NCOR2: variants seen among roughly 807,000 people sequenced by gnomAD.
NCOR2 encodes the protein nuclear receptor corepressor 2, also known as CTG repeat protein 26.
A neutral mutation model predicts 262.9 loss-of-function variants in NCOR2; 81 were observed. The observed-to-expected ratio is 0.31, with a 90% confidence interval of 0.26 to 0.37. NCOR2 has a LOEUF of 0.37. Ranked by LOEUF, NCOR2 falls within the 10% of genes least tolerant of loss-of-function variation. NCOR2 has a pLI of 1.00. For missense variants in NCOR2, 3,385 were observed against 3,621.4 expected, an observed-to-expected ratio of 0.93 and a Z score of 1.68; for synonymous variants, 1,659 against 1,559.3, an observed-to-expected ratio of 1.06 and a Z score of -1.51.
intron 3 of NCOR2, among the ~76,000 whole-genome samples, chr12:124,479,255 C>T (rs532460630): frequency 1.3e-5 from 2 of 152,184 alleles, no homozygotes; most frequent in African/African-American, 4.8e-5. Context: ...CACACACGCA[C>T]ACACAAACAC....
intron 7 of NCOR2, among the ~76,000 whole-genome samples, chr12:124,442,526 C>T (rs1343193535): frequency 6.6e-6 from 1 of 152,164 alleles, no homozygotes; most frequent in Non-Finnish European, 1.5e-5. Flanking sequence ...CTCTGTGGAG[C>T]GTATTTGCAA....
At chr12:124,360,244 C>T (rs1413943623) in intron 22 of NCOR2, among the ~76,000 whole-genome samples, 1 of 152,250 alleles carries the variant, frequency 6.6e-6, no homozygotes, top group Non-Finnish European at 1.5e-5. Context: ...CTGGGCCGCA[C>T]ACTGTACCCT....
chr12:124,513,931 G>A (rs548898235), intron 1 of NCOR2: 69 of 152,352 alleles, frequency 4.5e-4, no homozygotes, highest in Middle Eastern at 3.4e-3. Flanking sequence ...TCCTTCACCA[G>A]AGAGGCCCCA....
exon 41 of NCOR2, chr12:124,334,426 C>T: frequency 6.6e-7 from 1 of 1,511,296 alleles, no homozygotes; most frequent in Admixed American, 2.2e-5. Context: ...TCGCTCACCT[C>T]TTGCCCCCTT....
At chr12:124,567,496 TCGCGGAG>T, upstream of NCOR2, 1 of 147,186 alleles carries the variant, frequency 6.8e-6, no homozygotes, top group East Asian at 2.0e-4. Flanking sequence ...TTGGCGCGCA[TCGCGGAG>T]CGCAGGGCGC....
Position 124,545,658 on chromosome 12 carries a change from G to T in NCOR2, c.-164-10047C>A, listed in dbSNP as rs1312912109. Among the ~76,000 whole-genome samples, 6 of 152,344 alleles carry T rather than the reference G, an allele frequency of 3.9e-5. No individual in the cohort carries two copies. In the South Asian group the frequency reaches 8.3e-4, roughly 21 times the overall value. ...TCAGAAGCCCAAGTGGCCCGGCTGG[G>T]GTCAGGGCCCTGAGTCAGAGCAAGA... is the stretch of plus-strand genomic sequence containing the variant. On this transcript the variant is annotated intron_variant, in intron 1 of 32. Transcript: ENST00000458234.
chr12:124,481,135 TGGGTGGAAAGA>T lies in NCOR2; in HGVS notation c.411+2450_411+2460del, dbSNP rs1448991480. ...GAGTGAGCAGGACAGGGGGGCTGTTTGGGTGGAAAGAAAGAGAGGGAGGAAGAAGGAGGGAG... is the reference window on the plus strand; with the variant it reads ...GAGTGAGCAGGACAGGGGGGCTGTTTAAGAGAGGGAGGAAGAAGGAGGGAG... On this transcript the variant is annotated intron_variant, in intron 3 of 46. Transcript: ENST00000405201. This position sits in a 1 kb window ranked among gnomAD's most constrained non-coding sequence, Gnocchi z 4.6. Among the ~76,000 whole-genome samples the T allele has an allele frequency of 1.3e-5, 2 of 148,306 alleles. No homozygotes were observed. The highest frequency in any genetic ancestry group is 4.0e-4 in the East Asian group (2 of 5,024).
At chr12:124,390,553 C>A (rs531077704) in intron 16 of NCOR2, among the ~76,000 whole-genome samples, 1 of 152,004 alleles carries the variant, frequency 6.6e-6, no homozygotes, top group Admixed American at 6.6e-5. Flanking sequence ...TTAGCTCCCT[C>A]GTCCCACTGC....
chr12:124,511,835 G>A (rs1486121228), intron 1 of NCOR2, among the ~76,000 whole-genome samples: 1 of 152,232 alleles, frequency 6.6e-6, no homozygotes, highest in African/African-American at 2.4e-5. Context: ...CACCTCCAGA[G>A]ACTGGCGTCG....
chr12:124,553,347 A>G (rs980358567), intron 1 of NCOR2, among the ~76,000 whole-genome samples: 21 of 152,232 alleles, frequency 1.4e-4, no homozygotes, highest in African/African-American at 4.6e-4. Flanking sequence ...GCATAAAATA[A>G]TATATTCACA....
intron 24 of NCOR2, 83 bp downstream of exon 26, chr12:124,355,349 C>A: frequency 6.6e-7 from 1 of 1,517,340 alleles, no homozygotes; most frequent in Non-Finnish European, 8.9e-7. Context: ...AGCCTGGCCC[C>A]CACTCAGACT....
intron 41 of NCOR2, among the ~76,000 whole-genome samples, chr12:124,333,897 C>CGCACATGTGTGTGT (rs1593091151): frequency 8.1e-5 from 10 of 123,696 alleles, no homozygotes; most frequent in African/African-American, 2.4e-4. Flanking sequence ...TGTGTGTGTG[C>CGCACATGTGTGTGT]GCGCGCATGT....
intron 6 of NCOR2, among the ~76,000 whole-genome samples, chr12:124,452,770 A>G (rs114286918): frequency 0.054 from 8,230 of 152,210 alleles, 485 homozygotes; most frequent in African/African-American, 0.15. Context: ...ACAGGGGAGG[A>G]AGGCCACTTC....
chr12:124,385,221 C>T (rs368964716), intron 17 of NCOR2, among the ~76,000 whole-genome samples: 13 of 152,308 alleles, frequency 8.5e-5, no homozygotes, highest in South Asian at 2.1e-4. Flanking sequence ...CTCAGCCTCC[C>T]GTGGCCTGCC....
At chr12:124,356,905 T>A (rs2037994505) in intron 22 of NCOR2, 123 bp from the exon 25 acceptor site, 2 of 1,261,700 alleles carry the variant, frequency 1.6e-6, no homozygotes, top group Admixed American at 8.3e-5. Flanking sequence ...TGTGACGGCC[T>A]GGGCTCCTCC....
chr12:124,392,552 A>G (rs1329497018), intron 16 of NCOR2, among the ~76,000 whole-genome samples: 3 of 152,166 alleles, frequency 2.0e-5, no homozygotes, highest in African/African-American at 7.2e-5. Context: ...TGCACCAGGA[A>G]GTAGCCGGGC....
chr12:124,553,416 A>G (rs1303482053), intron 1 of NCOR2, among the ~76,000 whole-genome samples: 1 of 152,218 alleles, frequency 6.6e-6, no homozygotes, highest in Non-Finnish European at 1.5e-5. Context: ...ACAGGCTTCA[A>G]AAACAAAAAT....
upstream of NCOR2, among the ~76,000 whole-genome samples, chr12:124,495,859 A>G (rs1254337277): frequency 6.6e-6 from 1 of 152,182 alleles, no homozygotes; most frequent in African/African-American, 2.4e-5. The surrounding 1 kb of genome is among the most constrained non-coding windows in gnomAD (Gnocchi z 4.4). Flanking sequence ...CCACAGCATG[A>G]CCTGGGCAAG....
At chr12:124,377,665 C>A (rs1396622220) in intron 18 of NCOR2, among the ~76,000 whole-genome samples, 1 of 151,830 alleles carries the variant, frequency 6.6e-6, no homozygotes, top group African/African-American at 2.4e-5. Context: ...ATGGCGAAAC[C>A]CCATCTCTGC....
Sources: gnomAD v4.1 joint callset for allele counts (sites outside exome capture counted in the v4.1 genomes callset) on GRCh38, gnomAD v4.1.1 for gene constraint, Gnocchi (gnomAD v3.1) non-coding constraint, MANE v1.5 for transcripts, NCBI Gene and HGNC (gene_info 2026-07-23, HGNC 2026-07-21) for gene names.